The following MYOM2 variants were observed in gnomAD, a reference collection of about 807,000 sequenced individuals.
MYOM2 encodes myomesin-2.
MYOM2 carries 254 observed loss-of-function variants against 187.6 expected under a neutral mutation model. The observed-to-expected ratio is 1.35, with a 90% CI of 1.22 to 1.50. The LOEUF is 1.50. MYOM2 is among the 40% of genes most tolerant of loss of function. The probability of loss-of-function intolerance (pLI) is 0.00; values close to 1 mark genes in which losing one functional copy is unlikely to be tolerated. For missense variants in MYOM2, 2,796 were observed against 1,924.0 expected (o/e 1.45, Z -8.48); for synonymous variants, 981 against 753.8 (o/e 1.30, Z -4.94).
chr8:2,121,846 T>G (rs1277949289), intron 28 of MYOM2, among the ~76,000 whole-genome samples: 1 of 152,226 alleles, frequency 6.6e-6, no homozygotes, highest in Non-Finnish European at 1.5e-5. Context: ...ATACGTAGCC[T>G]AAGAGGTGAT....
chr8:2,077,655 G>A (rs972679878), intron 11 of MYOM2, among the ~76,000 whole-genome samples: 1 of 152,112 alleles, frequency 6.6e-6, no homozygotes, highest in Non-Finnish European at 1.5e-5. Flanking sequence ...TTTCTCCTGG[G>A]ACAGCTGATA....
Position 2,116,077 on chromosome 8 carries a change from C to T in MYOM2, c.3298C>T (p.Gln1100Ter). Residue 1100 changes from glutamine (Q) to a stop codon, truncating the protein, a stop_gained, in exon 26 of 37, where the codon CAG becomes TAG. Transcript: ENST00000262113. LOFTEE classifies it high-confidence loss of function. ...VQIHDGKAKS[Q>*]SSLVLIGDAF... ...GATTCATGATGGGAAAGCCAAAAGT[C>T]AGTCTTCTCTAGTTCTTATTGGAGA... is the stretch of plus-strand genomic sequence containing the variant. 2 of 1,613,708 alleles carry T rather than the reference C, an allele frequency of 1.2e-6. No homozygotes were observed. The highest frequency in any genetic ancestry group is 2.2e-5 in the South Asian group (2 of 90,930).
intron 3 of MYOM2, among the ~76,000 whole-genome samples, chr8:2,055,154 G>GTAACCAAGTACCTGGATACTGGGC (rs1563415035): frequency 4.8e-5 from 7 of 146,226 alleles, no homozygotes; most frequent in Admixed American, 2.8e-4. Context: ...GGATACTGGG[G>GTAACCAAGTACCTGGATACTGGGC]GAACCAAGTA....
In MYOM2 at chr8:2,144,694, A is replaced by G. The variant is rs1408548837; in HGVS notation, c.4111A>G (p.Asn1371Asp). 2 of 1,613,994 alleles carry G rather than the reference A, an allele frequency of 1.2e-6. No individual in the cohort carries two copies. The highest frequency in any genetic ancestry group is 2.2e-5 in the South Asian group (2 of 91,068). ...GAATCTGACCTGCACGGTGTTTGGAAACCCTGACCCCGAAGTGATTTGGTT... is the reference window on the plus strand; with the variant it reads ...GAATCTGACCTGCACGGTGTTTGGAGACCCTGACCCCGAAGTGATTTGGTT... ...TLNLTCTVFG[N>D]PDPEVIWFKN... The change falls in exon 37 of 37, where the codon AAC (asparagine) becomes GAC (aspartate). Residue 1371 changes from asparagine to aspartate, a missense_variant. Physicochemically the swap from Asn to Asp is conservative, Grantham distance 23. Transcript: ENST00000262113.
chr8:2,109,196 A>C, intron 24 of MYOM2, 199 bp from the exon 25 acceptor site: 2 of 590,204 alleles, frequency 3.4e-6, no homozygotes, highest in South Asian at 5.2e-5. Context: ...CTGAGAACTC[A>C]TGTGGCATGA....
Position 2,090,262 on chromosome 8 carries a change from T to C in MYOM2, c.1828+71T>C. 8 of 1,440,434 alleles carry C rather than the reference T, an allele frequency of 5.6e-6. No individual in the cohort carries two copies. The South Asian group carries it at 1.0e-4, about 19-fold the overall frequency. 89.2% of individuals were successfully genotyped at this position (1,440,434 alleles called of 1,614,324 possible). A position where few individuals can be genotyped will look rare whatever the true frequency, so the allele number is the denominator to read the frequency against. ...TGGGGTGACACCAAATAGCCTTAAA[T>C]TGTGTGAATAAAGACATTAATGTTA... On this transcript the variant is annotated intron_variant, in intron 15 of 36. Transcript: ENST00000262113.
chr8:2,049,026 C>G (rs904068120), intron 1 of MYOM2, among the ~76,000 whole-genome samples: 1 of 152,020 alleles, frequency 6.6e-6, no homozygotes, highest in Admixed American at 6.6e-5. Flanking sequence ...CTCCTGACCT[C>G]GTGATCCACC....
intron 32 of MYOM2, among the ~76,000 whole-genome samples, chr8:2,134,890 A>G (rs946280654): frequency 5.3e-5 from 8 of 152,092 alleles, no homozygotes; most frequent in African/African-American, 1.4e-4. Flanking sequence ...TGGCTCCTGG[A>G]CAAAGGTTGG....
At chr8:2,094,140 A>G (rs1449879038) in intron 17 of MYOM2, 49 bp downstream of exon 17, 4 of 1,599,228 alleles carry the variant, frequency 2.5e-6, no homozygotes, top group East Asian at 2.3e-5. Flanking sequence ...ATACACTGTC[A>G]TTTCTGCATG....
At position 2,076,279 on chromosome 8, in the gene MYOM2, A is replaced by G. The variant is rs764187775; in HGVS notation, c.1259A>G (p.Asp420Gly). ...TESPVMGYFV[D>G]RCEVGTNNWV... ...AGCCCCGTCATGGGCTATTTTGTGGACCGGTGAGCGTCTTGCATTCTCCCG... is the reference window on the plus strand; with the variant it reads ...AGCCCCGTCATGGGCTATTTTGTGGGCCGGTGAGCGTCTTGCATTCTCCCG... Residue 420 changes from aspartate to glycine, a missense_variant, in exon 11 of 37, where the codon GAC becomes GGC. Coordinates refer to ENST00000262113, the MANE Select transcript of MYOM2 (RefSeq NM_003970.4). 4.0e-5 allele frequency: 64 copies of G among 1,613,444 alleles called. No homozygotes were observed. Among genetic ancestry groups the G allele is most frequent in the Non-Finnish European group, 5.3e-5 (63 of 1,179,846 alleles).
intron 30 of MYOM2, 105 bp downstream of exon 30, chr8:2,123,747 A>G (rs1797539522): frequency 2.1e-6 from 2 of 956,016 alleles, no homozygotes; most frequent in Non-Finnish European, 3.2e-6. Flanking sequence ...TATAGCACAC[A>G]TTGTGTCTTT....
intron 32 of MYOM2, among the ~76,000 whole-genome samples, chr8:2,132,443 T>C (rs1293725894): frequency 6.6e-6 from 1 of 152,228 alleles, no homozygotes; most frequent in Admixed American, 6.5e-5. Context: ...AAAATGTTCT[T>C]AAGAGAAAAG....
chr8:2,108,913 A>G (rs1043835384), intron 24 of MYOM2, 83 bp downstream of exon 24: 1 of 1,383,722 alleles, frequency 7.2e-7, no homozygotes. Flanking sequence ...CTCTTGGAAG[A>G]ACAGCTTTGG....
intron 32 of MYOM2, among the ~76,000 whole-genome samples, chr8:2,131,030 A>C (rs3824183): frequency 6.6e-6 from 1 of 152,076 alleles, no homozygotes. Flanking sequence ...TCTTCTGGGA[A>C]AGGCCACCCC....
intron 36 of MYOM2, 41 bp downstream of exon 36, chr8:2,143,497 G>T (rs1393570183): frequency 1.2e-6 from 2 of 1,611,534 alleles, no homozygotes; most frequent in Non-Finnish European, 8.5e-7. Flanking sequence ...GTGTCAGCAC[G>T]GTGCGATGGA....
At chr8:2,092,575 T>A in intron 16 of MYOM2, 55 bp downstream of exon 16, 1 of 1,576,646 alleles carries the variant, frequency 6.3e-7, no homozygotes, top group Non-Finnish European at 8.6e-7. Context: ...GCAAGACCGT[T>A]GAGGTCCCTG....
chr8:2,128,085 ATTAC>A (rs2116876703), intron 31 of MYOM2, among the ~76,000 whole-genome samples: 1 of 152,286 alleles, frequency 6.6e-6, no homozygotes, highest in East Asian at 1.9e-4. Context: ...TTAAAAAATA[ATTAC>A]TTATTATTTC....
intron 30 of MYOM2, among the ~76,000 whole-genome samples, 172 bp from the exon 31 acceptor site, chr8:2,124,002 ATAGGT>A (rs1281970437): frequency 1.2e-4 from 19 of 152,326 alleles, no homozygotes; most frequent in East Asian, 1.2e-3. Context: ...TTAAAAGTGA[ATAGGT>A]TAGAAGGATT....
intron 14 of MYOM2, among the ~76,000 whole-genome samples, chr8:2,088,611 T>C (rs963661692): frequency 6.6e-6 from 1 of 152,248 alleles, no homozygotes; most frequent in Non-Finnish European, 1.5e-5. Context: ...TTCTTTCCTC[T>C]TTATGGCTGT....
Sources: gnomAD v4.1 joint callset for allele counts (sites outside exome capture counted in the v4.1 genomes callset) on GRCh38, gnomAD v4.1.1 for gene constraint, MANE v1.5 for transcripts, NCBI Gene and HGNC (gene_info 2026-07-23, HGNC 2026-07-21) for gene names.